GPLD1: variants seen among roughly 807,000 people sequenced by gnomAD.
The protein encoded by GPLD1 is glycosylphosphatidylinositol specific phospholipase D1.
In GPLD1, 84 loss-of-function variants were observed where a neutral mutation model predicts 112.6. The ratio of observed to expected loss-of-function variants is 0.75; its 90% CI spans 0.63 to 0.89. The LOEUF (loss-of-function observed/expected upper bound fraction) is 0.89, where lower values mean the gene tolerates loss of function less well. Ranked by LOEUF, GPLD1 falls within the 40% of genes least tolerant of loss-of-function variation. The pLI, the probability that GPLD1 is intolerant of heterozygous loss-of-function variation, is 0.00. For synonymous variants in GPLD1, 386 were observed against 403.8 expected, an observed-to-expected ratio of 0.96 and a Z score of 0.53; for missense variants, 1,044 against 1,051.5, an observed-to-expected ratio of 0.99 and a Z score of 0.10.
chr6:24,473,690 TG>T, intron 5 of GPLD1, 23 bp from the exon 6 acceptor site: 1 of 1,555,512 alleles, frequency 6.4e-7, no homozygotes, highest in Non-Finnish European at 8.9e-7. Context: ...GAGAACCATC[TG>T]GTGTGTATTA....
chr6:24,479,609 C>G (rs192832156), intron 3 of GPLD1, among the ~76,000 whole-genome samples: 31 of 152,220 alleles, frequency 2.0e-4, no homozygotes, highest in African/African-American at 7.0e-4. Context: ...AAAATGTCTT[C>G]TATCATGTCA....
chr6:24,467,213 T>G lies in GPLD1; in HGVS notation c.607A>C (p.Thr203Pro), dbSNP rs767006662. 14 of 1,608,912 alleles carry G rather than the reference T, an allele frequency of 8.7e-6. No individual in the cohort carries two copies. In the East Asian group the frequency reaches 2.2e-4, roughly 26 times the overall value. Residue 203 changes from threonine to proline, a missense_variant, in exon 8 of 25, where the codon ACC (threonine) becomes CCC (proline). By Grantham distance (38) the Thr-to-Pro change is conservative (BLOSUM62 -1). Transcript: ENST00000230036. ...GAACAATCAACGATTACATTTTCGG[T>G]GATGACTTTTCGACCATACAGTTTC... ...YEKLYGRKVI[T>P]ENVIVDCSHI...
chr6:24,483,097 G>A (rs1031671839), intron 2 of GPLD1, among the ~76,000 whole-genome samples: 2 of 152,156 alleles, frequency 1.3e-5, no homozygotes, highest in African/African-American at 4.8e-5. Context: ...GGAGGCTGAC[G>A]CGGGCGGATC....
chr6:24,436,607 T>A lies in GPLD1; in HGVS notation c.2327A>T (p.Lys776Ile). Residue 776 changes from lysine to isoleucine, a missense_variant, in exon 22 of 25, where the codon AAA becomes ATA. Lys to Ile is a moderately radical substitution (Grantham distance 102). Transcript: ENST00000230036. ...TTCTGGACATGGAGTTATCCATGAT[T>A]TGCATTTGCCAGTCATGTCACCAAG... is the stretch of plus-strand genomic sequence containing the variant. ...TTLGDMTGKC[K>I]SWITPCPEEK... 2.5e-6 allele frequency: 4 copies of A among 1,614,122 alleles called. No individual in the cohort carries two copies. The highest frequency in any genetic ancestry group is 2.5e-6 in the Non-Finnish European group (3 of 1,179,966).
intron 7 of GPLD1, among the ~76,000 whole-genome samples, chr6:24,468,294 C>T (rs1472778796): frequency 6.6e-6 from 1 of 152,176 alleles, no homozygotes; most frequent in Non-Finnish European, 1.5e-5. Flanking sequence ...TTCATGTGGG[C>T]AAAGGACAGA....
chr6:24,482,852 G>A (rs888886937), intron 2 of GPLD1, among the ~76,000 whole-genome samples: 1 of 152,022 alleles, frequency 6.6e-6, no homozygotes, highest in African/African-American at 2.4e-5. Context: ...GGCTGAGGTG[G>A]GAGGATCAAT....
chr6:24,449,961 AC>A, intron 14 of GPLD1, 62 bp from the exon 15 acceptor site: 2 of 1,178,888 alleles, frequency 1.7e-6, no homozygotes, highest in Non-Finnish European at 1.2e-6. Context: ...AGCACTCCTG[AC>A]CCCCAGGGAG....
chr6:24,466,943 C>G lies in GPLD1; in HGVS notation c.654-4G>C, dbSNP rs149190276. 64 of 1,609,386 alleles carry G rather than the reference C, an allele frequency of 4.0e-5. No individual in the cohort carries two copies. In the East Asian group the frequency reaches 1.4e-3, roughly 36 times the overall value. ...AACAGCTAGCATCTCACCATACCTG[C>G]AAAATAAACAATAATTTTGGCTGTG... On this transcript the variant is annotated splice_region_variant and splice_polypyrimidine_tract_variant and intron_variant, in intron 8 of 24. Coordinates refer to ENST00000230036, the MANE Select transcript of GPLD1 (RefSeq NM_001503.4).
intron 5 of GPLD1, among the ~76,000 whole-genome samples, chr6:24,474,206 C>CACACACACACAT (rs1386205113): frequency 5.8e-5 from 7 of 120,858 alleles, no homozygotes; most frequent in African/African-American, 1.8e-4. Context: ...CACACACACA[C>CACACACACACAT]ATATATATGC....
intron 1 of GPLD1, among the ~76,000 whole-genome samples, chr6:24,487,593 CTG>C (rs1156833507): frequency 2.0e-5 from 3 of 152,138 alleles, no homozygotes; most frequent in Admixed American, 6.5e-5. Flanking sequence ...TCAGCTTACT[CTG>C]TAGTTTTGGC....
intron 20 of GPLD1, among the ~76,000 whole-genome samples, chr6:24,439,839 T>TA (rs1459785582): frequency 2.0e-5 from 3 of 152,248 alleles, no homozygotes; most frequent in African/African-American, 7.2e-5. Context: ...GTAATGCTTA[T>TA]ACCTTCTAGT....
chr6:24,427,104 G>C lies in GPLD1; in HGVS notation c.*1928C>G, dbSNP rs1762262465. On this transcript the variant is annotated 3_prime_UTR_variant, in exon 25 of 25. Coordinates refer to ENST00000230036, the MANE Select transcript of GPLD1 (RefSeq NM_001503.4). ...CTGCTTTTAGTATCATCTCACCCGTGGCAGAAGAAAGAGGTTCTTCCCAAT... is the reference window on the plus strand; with the variant it reads ...CTGCTTTTAGTATCATCTCACCCGTCGCAGAAGAAAGAGGTTCTTCCCAAT... 6.6e-6 allele frequency among the ~76,000 whole-genome samples: 1 copy of C among 152,138 alleles called. No homozygotes were observed. Among genetic ancestry groups the C allele is most frequent in the Admixed American group, 6.5e-5 (1 of 15,278 alleles).
chr6:24,462,866 T>TAAA, intron 10 of GPLD1, 71 bp from the exon 11 acceptor site: 12 of 1,107,132 alleles, frequency 1.1e-5, no homozygotes, highest in Non-Finnish European at 1.7e-5. Flanking sequence ...CGAGAATCGG[T>TAAA]AGTGCGCTTC....
At chr6:24,456,249 A>T (rs572451544) in intron 13 of GPLD1, among the ~76,000 whole-genome samples, 3 of 152,016 alleles carry the variant, frequency 2.0e-5, no homozygotes, top group Non-Finnish European at 4.4e-5. Flanking sequence ...AAATATAAAA[A>T]TTAGCCAGGC....
intron 11 of GPLD1, among the ~76,000 whole-genome samples, chr6:24,461,825 C>T (rs1763447533): frequency 6.6e-6 from 1 of 152,142 alleles, no homozygotes; most frequent in African/African-American, 2.4e-5. Flanking sequence ...AGTGCCTGAA[C>T]CAGTTCCTGG....
At position 24,486,110 on chromosome 6, in the gene GPLD1, G is replaced by C; in HGVS notation, c.118C>G (p.Leu40Val). The change falls in exon 2 of 25, where the codon CTT (leucine) becomes GTT (valine). Residue 40 changes from leucine to valine, a missense_variant. Coordinates refer to ENST00000230036, the MANE Select transcript of GPLD1 (RefSeq NM_001503.4). ...VEIGHRALEF[L>V]QLHNGRVNYR... is the part of the protein sequence containing the mutation. ...TTAACACGCCCATTGTGAAGCTGAA[G>C]AAACTCCAGAGCTCTGTGTCCTGAG... The C allele has an allele frequency of 1.3e-6, 2 of 1,590,868 alleles. No homozygotes were observed. Among genetic ancestry groups the C allele is most frequent in the Non-Finnish European group, 1.7e-6 (2 of 1,160,452 alleles).
intron 15 of GPLD1, among the ~76,000 whole-genome samples, chr6:24,448,539 A>G (rs1162284109): frequency 6.6e-6 from 1 of 152,146 alleles, no homozygotes; most frequent in African/African-American, 2.4e-5. Flanking sequence ...AATTTTTTTA[A>G]AGTCTGTCAC....
At chr6:24,479,056 A>C (rs912882098) in intron 3 of GPLD1, among the ~76,000 whole-genome samples, 5 of 152,186 alleles carry the variant, frequency 3.3e-5, no homozygotes, top group African/African-American at 1.2e-4. Flanking sequence ...TACAGTCAGC[A>C]TAACCATAAA....
intron 20 of GPLD1, among the ~76,000 whole-genome samples, chr6:24,442,108 A>AT (rs1762766819): frequency 6.7e-6 from 1 of 150,258 alleles, no homozygotes; most frequent in Admixed American, 6.7e-5. Context: ...AGTTATAATT[A>AT]AACTTATTTT....
Sources: gnomAD v4.1 joint callset for allele counts (sites outside exome capture counted in the v4.1 genomes callset) on GRCh38, gnomAD v4.1.1 for gene constraint, MANE v1.5 for transcripts, NCBI Gene and HGNC (gene_info 2026-07-23, HGNC 2026-07-21) for gene names.